ROBO1: variants seen among roughly 807,000 people sequenced by gnomAD.
ROBO1 encodes roundabout homolog 1.
A neutral mutation model predicts 195.9 loss-of-function variants in ROBO1; 149 were observed. The ratio of observed to expected loss-of-function variants is 0.76; its 90% CI spans 0.67 to 0.87. ROBO1 has a LOEUF of 0.87. ROBO1 is among the 40% of genes least tolerant of loss of function. ROBO1 has a pLI of 0.00. For missense variants in ROBO1, 1,933 were observed against 2,068.3 expected, an observed-to-expected ratio of 0.93 and a Z score of 1.27; for synonymous variants, 816 against 733.2, an observed-to-expected ratio of 1.11 and a Z score of -1.82.
At chr3:78,962,366 T>C (rs2041395237) in intron 3 of ROBO1, among the ~76,000 whole-genome samples, 1 of 152,170 alleles carries the variant, frequency 6.6e-6, no homozygotes, top group Non-Finnish European at 1.5e-5. Context: ...TAATTTTCTT[T>C]ACTTTTTTGG....
intron 1 of ROBO1, among the ~76,000 whole-genome samples, chr3:79,609,958 T>C (rs1173138156): frequency 6.6e-6 from 1 of 151,960 alleles, no homozygotes; most frequent in Non-Finnish European, 1.5e-5. Flanking sequence ...TGAATGAATG[T>C]AATGCCTTTG....
intron 1 of ROBO1, among the ~76,000 whole-genome samples, chr3:79,668,430 AAAAAAC>A (rs1049624441): frequency 1.2e-4 from 18 of 151,454 alleles, no homozygotes; most frequent in African/African-American, 3.9e-4. Flanking sequence ...GAAGCAAAAA[AAAAAAC>A]AGTGAAAGAA....
intron 11 of ROBO1, among the ~76,000 whole-genome samples, chr3:78,669,582 A>T (rs1473624653): frequency 1.3e-5 from 2 of 152,260 alleles, no homozygotes; most frequent in African/African-American, 4.8e-5. Flanking sequence ...TGGTTCCTAC[A>T]GACCTGTGGG....
At chr3:79,534,403 G>A (rs568566157) in intron 2 of ROBO1, among the ~76,000 whole-genome samples, 1 of 131,696 alleles carries the variant, frequency 7.6e-6, no homozygotes, top group South Asian at 2.4e-4. Flanking sequence ...ATTTGTTAAT[G>A]TCTTTCCTAG....
At chr3:78,915,316 A>G (rs1161450864) in intron 4 of ROBO1, among the ~76,000 whole-genome samples, 1 of 152,200 alleles carries the variant, frequency 6.6e-6, no homozygotes, top group Non-Finnish European at 1.5e-5. Context: ...AGAGATAAAA[A>G]GAAAAATTAC....
chr3:79,540,923 T>C (rs1451181830), intron 2 of ROBO1, among the ~76,000 whole-genome samples: 1 of 152,184 alleles, frequency 6.6e-6, no homozygotes, highest in Non-Finnish European at 1.5e-5. Context: ...ATTCAACACA[T>C]AATTATTGCA....
chr3:78,960,316 T>G (rs1356115661), intron 3 of ROBO1, among the ~76,000 whole-genome samples: 1 of 150,664 alleles, frequency 6.6e-6, no homozygotes, highest in Non-Finnish European at 1.5e-5. Context: ...AGCAATATAC[T>G]TTTATAATAT....
chr3:79,015,767 T>C (rs924069251), intron 3 of ROBO1, among the ~76,000 whole-genome samples: 1 of 152,182 alleles, frequency 6.6e-6, no homozygotes, highest in Non-Finnish European at 1.5e-5. Context: ...AGTTAATAGA[T>C]AAAAGGCTAT....
intron 4 of ROBO1, among the ~76,000 whole-genome samples, chr3:78,831,006 G>A (rs961556881): frequency 4.0e-4 from 61 of 152,046 alleles, no homozygotes; most frequent in African/African-American, 1.2e-3. Context: ...TCTGCCTCCC[G>A]TGTTCAAGTG....
At chr3:79,716,297 A>G (rs947922224) in intron 1 of ROBO1, among the ~76,000 whole-genome samples, 1 of 151,958 alleles carries the variant, frequency 6.6e-6, no homozygotes, top group African/African-American at 2.4e-5. Flanking sequence ...ACCCAGTATC[A>G]AGACAGTTTA....
chr3:79,225,290 T>C (rs1194656847), intron 2 of ROBO1, among the ~76,000 whole-genome samples: 2 of 152,200 alleles, frequency 1.3e-5, no homozygotes, highest in African/African-American at 4.8e-5. Flanking sequence ...TGTATTTTGA[T>C]ATCACTATAG....
At chr3:79,730,075 G>T (rs188871526) in intron 1 of ROBO1, among the ~76,000 whole-genome samples, 1 of 152,188 alleles carries the variant, frequency 6.6e-6, no homozygotes, top group East Asian at 1.9e-4. Flanking sequence ...TTCTCCATTT[G>T]ATGCAAAGTT....
At chr3:79,510,991 T>C (rs1260341776) in intron 2 of ROBO1, among the ~76,000 whole-genome samples, 1 of 152,202 alleles carries the variant, frequency 6.6e-6, no homozygotes, top group Non-Finnish European at 1.5e-5. Context: ...AATCAAAGCA[T>C]TTAACAAATC....
intron 2 of ROBO1, among the ~76,000 whole-genome samples, chr3:79,320,024 A>T (rs2033908658): frequency 6.6e-6 from 1 of 152,234 alleles, no homozygotes; most frequent in Non-Finnish European, 1.5e-5. Context: ...AATCAATTTC[A>T]TGGAGAAACA....
intron 4 of ROBO1, among the ~76,000 whole-genome samples, chr3:78,792,041 G>A (rs1284033843): frequency 6.6e-6 from 1 of 152,116 alleles, no homozygotes; most frequent in Non-Finnish European, 1.5e-5. Flanking sequence ...TGTGCTACAG[G>A]GGACCCTCAT....
chr3:79,647,575 C>T (rs146088862), intron 1 of ROBO1, among the ~76,000 whole-genome samples: 20 of 96,106 alleles, frequency 2.1e-4, no homozygotes, highest in African/African-American at 6.1e-4. Context: ...CATGTACTAT[C>T]GGCATCTTGT....
chr3:78,757,012 C>A (rs1347277880), intron 4 of ROBO1, among the ~76,000 whole-genome samples: 4 of 152,160 alleles, frequency 2.6e-5, no homozygotes, highest in Non-Finnish European at 4.4e-5. Flanking sequence ...CTGCCTCAGC[C>A]TCCCAAGTAG....
intron 8 of ROBO1, among the ~76,000 whole-genome samples, chr3:78,699,899 T>A (rs2081383122): frequency 6.6e-6 from 1 of 152,066 alleles, no homozygotes; most frequent in East Asian, 1.9e-4. Flanking sequence ...AGTTAAAAAA[T>A]TACTTTTTCA....
At chr3:78,778,883 A>G (rs192826940) in intron 4 of ROBO1, among the ~76,000 whole-genome samples, 2 of 152,316 alleles carry the variant, frequency 1.3e-5, no homozygotes, top group Admixed American at 1.3e-4. Context: ...TACAGTAACC[A>G]AAACAGCATG....
Sources: allele counts gnomAD v4.1 joint callset (sites outside exome capture counted in the v4.1 genomes callset), GRCh38; gene constraint gnomAD v4.1.1; transcripts MANE v1.5; gene names NCBI Gene and HGNC (gene_info 2026-07-23, HGNC 2026-07-21).